The following PIGM variants were observed in gnomAD, a reference collection of about 807,000 sequenced individuals.
PIGM encodes phosphatidylinositol glycan anchor biosynthesis class M.
Under a neutral mutation model 14.6 loss-of-function variants are expected in PIGM, and 7 were observed. The ratio of observed to expected loss-of-function variants is 0.48; its 90% confidence interval spans 0.27 to 0.90. The LOEUF is 0.90. Ranked by LOEUF, PIGM falls within the 40% of genes least tolerant of loss-of-function variation. PIGM has a pLI of 0.12. For synonymous variants in PIGM, 216 were observed against 215.9 expected (o/e 1.00, Z 0.00); for missense variants, 506 against 516.2 (o/e 0.98, Z 0.19).
In PIGM at chr1:160,025,808, C is replaced by A. The variant is rs1648169083; in HGVS notation, c.*4660G>T. 6.6e-6 allele frequency: 1 copy of A among 152,136 alleles called. No individual in the cohort carries two copies. Among genetic ancestry groups the A allele is most frequent in the South Asian group, 2.1e-4 (1 of 4,836 alleles). The allele number at this position is 152,136 out of a possible 1,614,324, so 9.4% of individuals were successfully genotyped here. On this transcript the variant is annotated 3_prime_UTR_variant, in exon 1 of 1. Transcript: ENST00000368090. ...ATGGAAAAAGCATGGGTAAAAATCA[C>A]TTATTAGCAAGTTGTTTAATCTTTG... is the stretch of plus-strand genomic sequence containing the variant.
rs1424569966 is a variant in PIGM, at chr1:160,027,579, T to C, written c.*2889A>G. ...ACACAATCTTGAGAATCATCCCTCTTTATCTAATAATTAATGCTTACCTGC... is the reference window on the plus strand; with the variant it reads ...ACACAATCTTGAGAATCATCCCTCTCTATCTAATAATTAATGCTTACCTGC... On this transcript the variant is annotated 3_prime_UTR_variant, in exon 1 of 1. Coordinates refer to ENST00000368090, the MANE Select transcript of PIGM (RefSeq NM_145167.3). The C allele has an allele frequency of 6.6e-6, 1 of 152,150 alleles. No individual in the cohort carries two copies. The highest frequency in any genetic ancestry group is 1.9e-4 in the East Asian group (1 of 5,198). 9.4% of individuals were successfully genotyped at this position (152,150 alleles called of 1,614,324 possible). A position where few individuals can be genotyped will look rare whatever the true frequency, so the allele number is the denominator to read the frequency against.
At position 160,030,809 on chromosome 1, in the gene PIGM, T is replaced by C. The variant is rs781740537; in HGVS notation, c.931A>G (p.Arg311Gly). The change falls in exon 1 of 1, where the codon AGA becomes GGA. Residue 311 changes from arginine (R) to glycine (G), a missense_variant. Transcript: ENST00000368090. ...LLSAVSFAYY[R>G]DLVFCCFLHT... is the part of the protein sequence containing the mutation. ...AGAAAACAACAAAAAACGAGGTCTC[T>C]GTAATAGGCGAAAGACACAGCTGAA... is the stretch of plus-strand genomic sequence containing the variant. The C allele has an allele frequency of 1.9e-6, 3 of 1,614,176 alleles. No homozygotes were observed. The highest frequency in any genetic ancestry group is 2.5e-6 in the Non-Finnish European group (3 of 1,180,016).
At position 160,029,976 on chromosome 1, in the gene PIGM, C is replaced by T; in HGVS notation, c.*492G>A. ...TCCTGAACTCAAGCGACCCTCCCAC[C>T]TCAGCCTCCCAAAGTGCTGAGACTA... is the stretch of plus-strand genomic sequence containing the variant. On this transcript the variant is annotated 3_prime_UTR_variant, in exon 1 of 1. Transcript: ENST00000368090. 6.2e-6 allele frequency: 1 copy of T among 162,502 alleles called. No homozygotes were observed. The highest frequency in any genetic ancestry group is 1.7e-4 in the East Asian group (1 of 5,718). The allele number at this position is 162,502 out of a possible 1,614,324, so 10.1% of individuals were successfully genotyped here.
Position 160,030,506 on chromosome 1 carries a change from T to C in PIGM, c.1234A>G (p.Lys412Glu), listed in dbSNP as rs991626635. Residue 412 changes from lysine to glutamate, a missense_variant, in exon 1 of 1, where the codon AAA becomes GAA. Lys to Glu is a moderately conservative substitution (Grantham distance 56). Coordinates refer to ENST00000368090, the MANE Select transcript of PIGM (RefSeq NM_145167.3). ...SILIQIISHY[K>E]EEPLTERIKY... Reference sequence around the variant, plus strand: ...ATTCTCTCTGTCAGGGGTTCTTCTTTGTAATGGGAAATAATTTGAATCAGG... The same window carrying C: ...ATTCTCTCTGTCAGGGGTTCTTCTTCGTAATGGGAAATAATTTGAATCAGG... 4 of 1,613,574 alleles carry C rather than the reference T, an allele frequency of 2.5e-6. No individual in the cohort carries two copies. The highest frequency in any genetic ancestry group is 2.5e-6 in the Non-Finnish European group (3 of 1,179,568).
rs751814615 is a variant in PIGM, at chr1:160,030,471, G to A, written c.1269C>T (p.Asp423=). The A allele has an allele frequency of 1.2e-6, 2 of 1,608,748 alleles. No individual in the cohort carries two copies. The highest frequency in any genetic ancestry group is 4.5e-5 in the East Asian group (2 of 44,862). ...AGCAGAGGGTGTGGAACATACACTAGTCATATTTGATTCTCTCTGTCAGGG... is the reference window on the plus strand; with the variant it reads ...AGCAGAGGGTGTGGAACATACACTAATCATATTTGATTCTCTCTGTCAGGG... The part of the protein sequence containing the change: ...EEPLTERIKY[D] The change falls in exon 1 of 1, where the codon GAC becomes GAT. Residue 423 remains aspartate (D), a synonymous_variant. Coordinates refer to ENST00000368090, the MANE Select transcript of PIGM (RefSeq NM_145167.3).
Position 160,026,468 on chromosome 1 carries a change from T to C in PIGM, c.*4000A>G, listed in dbSNP as rs562326184. On this transcript the variant is annotated 3_prime_UTR_variant, in exon 1 of 1. Coordinates refer to ENST00000368090, the MANE Select transcript of PIGM (RefSeq NM_145167.3). ...CATGGTTCAAAAAATTTTATAAATA[T>C]ATAATTATACATATACATAAAGCAA... 3.3e-5 allele frequency: 5 copies of C among 152,300 alleles called. No homozygotes were observed. In the East Asian group the frequency reaches 9.6e-4, roughly 29 times the overall value. The allele number at this position is 152,300 out of a possible 1,614,324, so 9.4% of individuals were successfully genotyped here.
In PIGM at chr1:160,031,453, T is replaced by C. The variant is rs1164190704; in HGVS notation, c.287A>G (p.Lys96Arg). Residue 96 changes from lysine (K) to arginine (R), a missense_variant, in exon 1 of 1, where the codon AAG (lysine) becomes AGG (arginine). By Grantham distance (26) the Lys-to-Arg change is conservative (BLOSUM62 2). Transcript: ENST00000368090. ...GAGGTCGCAGCTGATGAAGAGAAAC[T>C]TTCCAAAGAGCTCGCTGAGGTAGAT... ...PNIYLSELFG[K>R]FLFISCDLLT... 1 of 1,612,360 alleles carries C rather than the reference T, an allele frequency of 6.2e-7. No homozygotes were observed. Among genetic ancestry groups the C allele is most frequent in the South Asian group, 1.1e-5 (1 of 91,062 alleles).
At position 160,031,132 on chromosome 1, in the gene PIGM, C is replaced by T. The variant is rs1274452253; in HGVS notation, c.608G>A (p.Ser203Asn). 1.2e-6 allele frequency: 2 copies of T among 1,613,908 alleles called. No homozygotes were observed. The highest frequency in any genetic ancestry group is 1.1e-5 in the South Asian group (1 of 91,090). Residue 203 changes from serine (S) to asparagine (N), a missense_variant, in exon 1 of 1, where the codon AGC becomes AAC. By Grantham distance (46) the Ser-to-Asn change is conservative. Coordinates refer to ENST00000368090, the MANE Select transcript of PIGM (RefSeq NM_145167.3). ...HLLPDRDNDK[S>N]LRQFRYTFQA... The stretch of plus-strand genomic sequence containing the variant: ...GAAAGTGTACCGGAATTGACGGAGG[C>T]TTTTGTCATTGTCGCGATCTGGAAG...
rs2101918890 is a variant in PIGM, at chr1:160,029,444, T to G, written c.*1024A>C. 1 of 141,138 alleles carries G rather than the reference T, an allele frequency of 7.1e-6. No individual in the cohort carries two copies. Among genetic ancestry groups the G allele is most frequent in the African/African-American group, 2.7e-5 (1 of 37,076 alleles). 8.7% of individuals were successfully genotyped at this position (141,138 alleles called of 1,614,324 possible). A position where few individuals can be genotyped will look rare whatever the true frequency, so the allele number is the denominator to read the frequency against. ...TGGAGTCTTGCTCTGTCGCCCAGGC[T>G]GGAGCGCAGTGGTGCCATCTCGGCT... is the stretch of plus-strand genomic sequence containing the variant. On this transcript the variant is annotated 3_prime_UTR_variant, in exon 1 of 1. Coordinates refer to ENST00000368090, the MANE Select transcript of PIGM (RefSeq NM_145167.3).
At position 160,031,058 on chromosome 1, in the gene PIGM, GCACAGCCCGATTA is replaced by G. The variant is rs1648316475; in HGVS notation, c.669_681del (p.Asn224CysfsTer4). On this transcript the variant is annotated frameshift_variant, in exon 1 of 1. Transcript: ENST00000368090. LOFTEE classifies it high-confidence loss of function. ...AGTCCAGCAACTGCTACAAACAGCA[GCACAGCCCGATTA>G]CACAGCCTTTTCAGGAGCTCGTACA... The G allele has an allele frequency of 6.2e-7, 1 of 1,614,040 alleles. No homozygotes were observed. Among genetic ancestry groups the G allele is most frequent in the Admixed American group, 1.7e-5 (1 of 60,004 alleles).
rs754247003 is a variant in PIGM at position 160,031,286 on chromosome 1, A to C, written c.454T>G (p.Ser152Ala). The C allele has an allele frequency of 4.5e-5, 73 of 1,613,986 alleles. No homozygotes were observed. Among genetic ancestry groups the C allele is most frequent in the Non-Finnish European group, 5.8e-5 (68 of 1,180,026 alleles). Residue 152 changes from serine (S) to alanine (A), a missense_variant, in exon 1 of 1, where the codon TCC becomes GCC. Coordinates refer to ENST00000368090, the MANE Select transcript of PIGM (RefSeq NM_145167.3). ...SRGNADSIVASLVLMVLYLIK... is the reference protein window; with the variant it reads ...SRGNADSIVAALVLMVLYLIK... ...AAGTAGAGGACCATCAGGACCAGGG[A>C]GGCGACAATAGAGTCCGCATTACCG... is the stretch of plus-strand genomic sequence containing the variant.
Position 160,031,743 on chromosome 1 carries a change from C to T in PIGM, c.-4G>A, listed in dbSNP as rs1219851920. On this transcript the variant is annotated 5_prime_UTR_variant, in exon 1 of 1. Transcript: ENST00000368090. The stretch of plus-strand genomic sequence containing the variant: ...CCCAGTGCTTGGTGGAGCCCATGAT[C>T]TGACCGTGCGACAGCTGCTTAGCCC... 2.5e-6 allele frequency: 4 copies of T among 1,613,986 alleles called. No homozygotes were observed. Among genetic ancestry groups the T allele is most frequent in the Non-Finnish European group, 3.4e-6 (4 of 1,180,036 alleles).
rs1648234415 is a variant in PIGM at position 160,028,492 on chromosome 1, A to C, written c.*1976T>G. 2.0e-5 allele frequency: 3 copies of C among 152,154 alleles called. No homozygotes were observed. Among genetic ancestry groups the C allele is most frequent in the Admixed American group, 2.0e-4 (3 of 15,274 alleles). The allele number at this position is 152,154 out of a possible 1,614,324, so 9.4% of individuals were successfully genotyped here. On this transcript the variant is annotated 3_prime_UTR_variant, in exon 1 of 1. Coordinates refer to ENST00000368090, the MANE Select transcript of PIGM (RefSeq NM_145167.3). ...ACAGGAGCCCATACAAAACCACCCC[A>C]TTCTTTCCCTCTTTCTAATGAAAGG...
In PIGM at chr1:160,030,203, G is replaced by A; in HGVS notation, c.*265C>T. On this transcript the variant is annotated 3_prime_UTR_variant, in exon 1 of 1. Transcript: ENST00000368090. The stretch of plus-strand genomic sequence containing the variant: ...TTTAAGAATGTTTTAGTATCTGATA[G>A]TTTCATCAGCCTTTCCATTTTCCAA... The A allele has an allele frequency of 2.4e-6, 1 of 416,448 alleles. No individual in the cohort carries two copies. Among genetic ancestry groups the A allele is most frequent in the Non-Finnish European group, 4.5e-6 (1 of 223,342 alleles). 25.8% of individuals were successfully genotyped at this position (416,448 alleles called of 1,614,324 possible).
rs1648285552 is a variant in PIGM at position 160,030,088 on chromosome 1, T to TA, written c.*379dup. On this transcript the variant is annotated 3_prime_UTR_variant, in exon 1 of 1. Transcript: ENST00000368090. Reference sequence around the variant, plus strand: ...AGCTTTAGAAAGAAAAGATGGGTGTTAAAAGTTAAGACACAGCTTAAGACA... The same window carrying TA: ...AGCTTTAGAAAGAAAAGATGGGTGTTAAAAAGTTAAGACACAGCTTAAGACA... 9.3e-6 allele frequency: 2 copies of TA among 214,246 alleles called. No homozygotes were observed. Among genetic ancestry groups the TA allele is most frequent in the Admixed American group, 1.0e-4 (2 of 19,228 alleles). 13.3% of individuals were successfully genotyped at this position (214,246 alleles called of 1,614,324 possible).
chr1:160,030,740 G>C lies in PIGM; in HGVS notation c.1000C>G (p.Gln334Glu). 6.2e-7 allele frequency: 1 copy of C among 1,614,154 alleles called. No homozygotes were observed. The highest frequency in any genetic ancestry group is 8.5e-7 in the Non-Finnish European group (1 of 1,180,008). The change falls in exon 1 of 1, where the codon CAG becomes GAG. Residue 334 changes from glutamine (Q) to glutamate (E), a missense_variant. Physicochemically the swap from Gln to Glu is conservative, Grantham distance 29. Transcript: ENST00000368090. ...AAGCAGAGGTACCAAAGAAAGTACT[G>C]GGAGGTGCAGACTTTGTTAAAAGTC... ...FVTFNKVCTS[Q>E]YFLWYLCLLP...
rs1648253516 is a variant in PIGM, at chr1:160,029,218, G to T, written c.*1250C>A. 6.6e-6 allele frequency: 1 copy of T among 151,946 alleles called. No individual in the cohort carries two copies. Among genetic ancestry groups the T allele is most frequent in the African/African-American group, 2.4e-5 (1 of 41,338 alleles). 9.4% of individuals were successfully genotyped at this position (151,946 alleles called of 1,614,324 possible). A position where few individuals can be genotyped will look rare whatever the true frequency, so the allele number is the denominator to read the frequency against. Reference sequence around the variant, plus strand: ...TTTGTGTAGGACCACAAACATTAAAGGCAAGATGATAGTTTTAAAAATGTA... The same window carrying T: ...TTTGTGTAGGACCACAAACATTAAATGCAAGATGATAGTTTTAAAAATGTA... On this transcript the variant is annotated 3_prime_UTR_variant, in exon 1 of 1. Coordinates refer to ENST00000368090, the MANE Select transcript of PIGM (RefSeq NM_145167.3).
At position 160,030,845 on chromosome 1, in the gene PIGM, G is replaced by C; in HGVS notation, c.895C>G (p.Leu299Val). The C allele has an allele frequency of 1.2e-6, 2 of 1,614,256 alleles. No homozygotes were observed. Among genetic ancestry groups the C allele is most frequent in the South Asian group, 1.1e-5 (1 of 91,084 alleles). Residue 299 changes from leucine to valine, a missense_variant, in exon 1 of 1, where the codon CTC (leucine) becomes GTC (valine). Coordinates refer to ENST00000368090, the MANE Select transcript of PIGM (RefSeq NM_145167.3). Reference sequence around the variant, plus strand: ...AAAGACACAGCTGAAAGCAAGATGAGCTGTGGCAGGAATGCAGCAATTCCC... The same window carrying C: ...AAAGACACAGCTGAAAGCAAGATGACCTGTGGCAGGAATGCAGCAATTCCC... Reference protein sequence around the residue: ...SLGIAAFLPQLILLSAVSFAY... With the variant: ...SLGIAAFLPQVILLSAVSFAY...
rs1261190161 is a variant in PIGM, at chr1:160,031,244, C to T, written c.496G>A (p.Val166Ile). The T allele has an allele frequency of 6.2e-6, 10 of 1,613,992 alleles. No homozygotes were observed. The highest frequency in any genetic ancestry group is 8.5e-6 in the Non-Finnish European group (10 of 1,180,034). Residue 166 changes from valine to isoleucine, a missense_variant, in exon 1 of 1, where the codon GTC (valine) becomes ATC (isoleucine). By Grantham distance (29) the Val-to-Ile change is conservative (BLOSUM62 3). Transcript: ENST00000368090. Reference protein sequence around the residue: ...MVLYLIKKRLVACAAVFYGFA... With the variant: ...MVLYLIKKRLIACAAVFYGFA... ...CCATAGAATACAGCTGCACACGCGACGAGTCTTTTCTTTATCAAGTAGAGG... is the reference window on the plus strand; with the variant it reads ...CCATAGAATACAGCTGCACACGCGATGAGTCTTTTCTTTATCAAGTAGAGG...
Sources: gnomAD v4.1 joint callset for allele counts on GRCh38, gnomAD v4.1.1 for gene constraint, MANE v1.5 for transcripts, NCBI Gene and HGNC (gene_info 2026-07-23, HGNC 2026-07-21) for gene names.